TSPAN15: variants seen among roughly 807,000 people sequenced by gnomAD.
TSPAN15 encodes the protein tetraspanin-15.
A neutral mutation model predicts 34.5 loss-of-function variants in TSPAN15; 20 were observed. That is an observed-to-expected ratio of 0.58 (90% CI 0.41 to 0.84). TSPAN15 has a LOEUF of 0.84. Ranked by LOEUF, TSPAN15 falls within the 40% of genes least tolerant of loss-of-function variation. The pLI is 0.00. For synonymous variants in TSPAN15, 155 were observed against 153.9 expected (o/e 1.01, Z -0.05); for missense variants, 313 against 386.1 (o/e 0.81, Z 1.59).
chr10:69,494,962 C>A (rs567105157), intron 3 of TSPAN15: 1 of 762,900 alleles, frequency 1.3e-6, no homozygotes, highest in Admixed American at 6.2e-5. Flanking sequence ...CATGTTCCTC[C>A]CGGCAGGGAT....
the TSPAN15 span, among the ~76,000 whole-genome samples, chr10:69,529,095 T>A: frequency 1.3e-5 from 2 of 148,166 alleles, no homozygotes; most frequent in Non-Finnish European, 3.0e-5. Flanking sequence ...TTGGAGTGGG[T>A]GCCAACAGCA....
chr10:69,486,248 G>C (rs887502117), intron 3 of TSPAN15, among the ~76,000 whole-genome samples: 2 of 152,122 alleles, frequency 1.3e-5, no homozygotes, highest in African/African-American at 4.8e-5. Context: ...CTTCTTCCTT[G>C]TCCTCATCCT....
chr10:69,515,440 G>GTCCTCCCCCACCTTCCCATC, the TSPAN15 span, among the ~76,000 whole-genome samples: 1,920 of 152,150 alleles, frequency 0.013, 53 homozygotes, highest in African/African-American at 0.044. Flanking sequence ...CCACTTTCAC[G>GTCCTCCCCCACCTTCCCATC]TCCTCCCCCA....
intron 3 of TSPAN15, among the ~76,000 whole-genome samples, chr10:69,485,431 G>A (rs956034381): frequency 1.3e-5 from 2 of 152,120 alleles, no homozygotes; most frequent in East Asian, 1.9e-4. Context: ...TGGGAGGCCC[G>A]TGCTGAAATG....
At chr10:69,497,090 C>A (rs141129859) in intron 4 of TSPAN15, among the ~76,000 whole-genome samples, 227 of 152,296 alleles carry the variant, frequency 1.5e-3, no homozygotes, top group African/African-American at 5.1e-3. Flanking sequence ...GAGAGGCTGA[C>A]CAACTTGCCT....
intron 1 of TSPAN15, among the ~76,000 whole-genome samples, chr10:69,476,179 A>T (rs1841610546): frequency 6.6e-6 from 1 of 152,108 alleles, no homozygotes; most frequent in Non-Finnish European, 1.5e-5. Flanking sequence ...TGAAGAAGAC[A>T]GGAAGAAGAG....
In TSPAN15 at chr10:69,507,145, G is replaced by T; in HGVS notation, c.*167G>T. The T allele has an allele frequency of 6.9e-7, 1 of 1,440,320 alleles. No homozygotes were observed. The highest frequency in any genetic ancestry group is 9.1e-7 in the Non-Finnish European group (1 of 1,102,612). 89.2% of individuals were successfully genotyped at this position (1,440,320 alleles called of 1,614,324 possible). On this transcript the variant is annotated 3_prime_UTR_variant, in exon 8 of 8. Coordinates refer to ENST00000373290, the MANE Select transcript of TSPAN15 (RefSeq NM_012339.5). ...GGTCCCACGGCCTCTGCCTCCCCAG[G>T]GAGCAGAGCCTGGGCCTCCCCTAAG...
intron 5 of TSPAN15, among the ~76,000 whole-genome samples, chr10:69,500,848 T>G (rs1289570756): frequency 6.6e-6 from 1 of 151,962 alleles, no homozygotes; most frequent in Non-Finnish European, 1.5e-5. Context: ...AATGATCACA[T>G]GAAGTAGTTA....
intron 3 of TSPAN15, among the ~76,000 whole-genome samples, chr10:69,493,008 C>T (rs1842000585): frequency 6.6e-6 from 1 of 152,196 alleles, no homozygotes; most frequent in African/African-American, 2.4e-5. Context: ...GTAGCTCAGC[C>T]AATCATGTCG....
chr10:69,493,430 T>C (rs1299546178), intron 3 of TSPAN15, among the ~76,000 whole-genome samples: 2 of 151,704 alleles, frequency 1.3e-5, no homozygotes, highest in African/African-American at 4.8e-5. Context: ...CAGAGGACTT[T>C]CCTTCTGGCC....
Position 69,477,336 on chromosome 10 carries a change from T to A in TSPAN15, c.97-6355T>A, listed in dbSNP as rs575396939. Among the ~76,000 whole-genome samples the A allele has an allele frequency of 1.1e-3, 171 of 152,198 alleles. 1 individual carries two copies. The South Asian group carries it at 0.013, about 12-fold the overall frequency. ...ATTTAGTAGAGTTGGGGTTTCACCATATTGGGCAGGCTGGTCTCGAACTCC... is the reference window on the plus strand; with the variant it reads ...ATTTAGTAGAGTTGGGGTTTCACCAAATTGGGCAGGCTGGTCTCGAACTCC... On this transcript the variant is annotated intron_variant, in intron 1 of 7. Coordinates refer to ENST00000373290, the MANE Select transcript of TSPAN15 (RefSeq NM_012339.5).
At chr10:69,461,931 C>G (rs373043324) in intron 1 of TSPAN15, among the ~76,000 whole-genome samples, 7 of 150,722 alleles carry the variant, frequency 4.6e-5, no homozygotes, top group Non-Finnish European at 1.0e-4. Flanking sequence ...CACCACCCCC[C>G]CCATCACCAG....
the TSPAN15 span, among the ~76,000 whole-genome samples, chr10:69,527,912 T>C: frequency 6.8e-6 from 1 of 148,038 alleles, no homozygotes; most frequent in South Asian, 2.1e-4. Context: ...TTTAATTTAC[T>C]TTGATGACGG....
chr10:69,524,529 C>A, the TSPAN15 span, among the ~76,000 whole-genome samples: 1 of 147,162 alleles, frequency 6.8e-6, no homozygotes, highest in Non-Finnish European at 1.5e-5. Flanking sequence ...TAGAAAAACT[C>A]CTTCTTCGTG....
At chr10:69,545,904 T>C in the TSPAN15 span, among the ~76,000 whole-genome samples, 1 of 152,046 alleles carries the variant, frequency 6.6e-6, no homozygotes, top group Admixed American at 6.6e-5. Context: ...TGCTGTGAGC[T>C]GAGATCGTGC....
At chr10:69,515,481 T>C in the TSPAN15 span, among the ~76,000 whole-genome samples, 1 of 152,270 alleles carries the variant, frequency 6.6e-6, no homozygotes, top group East Asian at 1.9e-4. Flanking sequence ...CTCATTTCAA[T>C]TCGGTGTGTG....
chr10:69,472,329 G>A (rs933003767), intron 1 of TSPAN15, among the ~76,000 whole-genome samples: 10 of 152,062 alleles, frequency 6.6e-5, no homozygotes, highest in Admixed American at 1.3e-4. Context: ...AATGGACTCC[G>A]TTCAAACGTA....
At chr10:69,512,858 G>T in the TSPAN15 span, among the ~76,000 whole-genome samples, 1 of 152,286 alleles carries the variant, frequency 6.6e-6, no homozygotes, top group Non-Finnish European at 1.5e-5. Context: ...TTTGTTTCCA[G>T]TTTTTTGTTG....
At chr10:69,463,218 A>T (rs541645308) in intron 1 of TSPAN15, among the ~76,000 whole-genome samples, 1 of 152,306 alleles carries the variant, frequency 6.6e-6, no homozygotes, top group South Asian at 2.1e-4. Flanking sequence ...GGCCTGTGAT[A>T]ATTTTTCCTC....
Sources: allele counts gnomAD v4.1 joint callset (sites outside exome capture counted in the v4.1 genomes callset), GRCh38; gene constraint gnomAD v4.1.1; transcripts MANE v1.5; gene names NCBI Gene and HGNC (gene_info 2026-07-23, HGNC 2026-07-21).